Variants in TENM3 observed in about 807,000 individuals in gnomAD.
TENM3 encodes the protein teneurin-3.
TENM3 carries 63 observed loss-of-function variants against 255.1 expected under a neutral mutation model. That is an observed-to-expected ratio of 0.25 (90% CI 0.20 to 0.30). TENM3 has a LOEUF of 0.30. Ranked by LOEUF, TENM3 falls within the 10% of genes least tolerant of loss-of-function variation. The pLI is 1.00. For synonymous variants in TENM3, 1,306 were observed against 1,322.3 expected (o/e 0.99, Z 0.27); for missense variants, 2,929 against 3,461.1 (o/e 0.85, Z 3.86).
intron 1 of TENM3, among the ~76,000 whole-genome samples, chr4:182,310,662 G>A (rs1762387378): frequency 7.2e-6 from 1 of 138,126 alleles, no homozygotes; most frequent in Non-Finnish European, 1.6e-5. Flanking sequence ...CTCCATGTGG[G>A]GGAAGGGTGT....
At chr4:181,666,184 T>TAG in the TENM3 span, among the ~76,000 whole-genome samples, 1 of 152,196 alleles carries the variant, frequency 6.6e-6, no homozygotes, top group Non-Finnish European at 1.5e-5. Context: ...AGGAAAAGTC[T>TAG]GGCAGAGATT....
the TENM3 span, among the ~76,000 whole-genome samples, chr4:181,606,445 C>T: frequency 6.6e-6 from 1 of 152,140 alleles, no homozygotes; most frequent in Non-Finnish European, 1.5e-5. Context: ...CTTTAATCTA[C>T]TCTAGACAAT....
chr4:182,555,166 C>T (rs1384153653), intron 3 of TENM3, among the ~76,000 whole-genome samples: 2 of 152,114 alleles, frequency 1.3e-5, no homozygotes, highest in Admixed American at 6.5e-5. Context: ...TAGAATTAGT[C>T]TATGACTGAA....
intron 1 of TENM3, among the ~76,000 whole-genome samples, chr4:182,256,588 A>G (rs935998653): frequency 6.6e-6 from 1 of 152,186 alleles, no homozygotes; most frequent in Admixed American, 6.5e-5. Context: ...GAGTTTCAGG[A>G]GTTGGTCAAG....
At chr4:182,009,740 CT>C in the TENM3 span, among the ~76,000 whole-genome samples, 1 of 152,200 alleles carries the variant, frequency 6.6e-6, no homozygotes, top group African/African-American at 2.4e-5. Flanking sequence ...CTGGTTGCCC[CT>C]CCCCCTGGGA....
the TENM3 span, among the ~76,000 whole-genome samples, chr4:181,707,808 G>C: frequency 1.3e-5 from 2 of 152,054 alleles, no homozygotes; most frequent in Non-Finnish European, 2.9e-5. Context: ...GCTACGTTAA[G>C]TACAAACAGA....
At chr4:182,333,393 T>C (rs1234589521) in intron 2 of TENM3, among the ~76,000 whole-genome samples, 2 of 152,194 alleles carry the variant, frequency 1.3e-5, no homozygotes, top group Non-Finnish European at 2.9e-5. Context: ...AATAGCCAAG[T>C]GGTTACTAAT....
the TENM3 span, among the ~76,000 whole-genome samples, chr4:181,679,322 G>T: frequency 3.3e-5 from 5 of 152,146 alleles, no homozygotes; most frequent in African/African-American, 1.2e-4. Context: ...GATTCCGGGG[G>T]CTGCCCCATT....
chr4:182,062,116 G>A, the TENM3 span, among the ~76,000 whole-genome samples: 2 of 152,190 alleles, frequency 1.3e-5, no homozygotes, highest in Non-Finnish European at 2.9e-5. Context: ...AAGTTAGCCT[G>A]AGAGTCTAGC....
At chr4:181,812,454 T>C in the TENM3 span, among the ~76,000 whole-genome samples, 1 of 152,204 alleles carries the variant, frequency 6.6e-6, no homozygotes, top group African/African-American at 2.4e-5. Context: ...AAATTAGTTA[T>C]GCTGATTATT....
At chr4:181,506,329 C>G in the TENM3 span, among the ~76,000 whole-genome samples, 1 of 151,872 alleles carries the variant, frequency 6.6e-6, no homozygotes, top group East Asian at 2.0e-4. Context: ...AATATTTGGC[C>G]TTTTTACTCA....
At chr4:182,303,800 T>A (rs1225095047) in intron 1 of TENM3, among the ~76,000 whole-genome samples, 1 of 152,214 alleles carries the variant, frequency 6.6e-6, no homozygotes, top group Non-Finnish European at 1.5e-5. Flanking sequence ...ACATTAAACT[T>A]TTTAAACTCT....
chr4:182,009,164 G>T, the TENM3 span, among the ~76,000 whole-genome samples: 2 of 152,112 alleles, frequency 1.3e-5, no homozygotes, highest in African/African-American at 2.4e-5. Context: ...CAGTAGGATT[G>T]CTCCTGTATA....
At chr4:182,229,462 T>G (rs1756405942) in intron 1 of TENM3, among the ~76,000 whole-genome samples, 1 of 152,132 alleles carries the variant, frequency 6.6e-6, no homozygotes, top group African/African-American at 2.4e-5. Context: ...GTTTATGAAC[T>G]GATTTGCACA....
In TENM3 at chr4:182,252,906, G is replaced by A. The variant is rs113466383; in HGVS notation, c.-76+9430G>A. Among the ~76,000 whole-genome samples, 449 of 152,280 alleles carry A rather than the reference G, an allele frequency of 2.9e-3. 2 individuals carry two copies. The highest frequency in any genetic ancestry group is 0.014 in the South Asian group (66 of 4,820). On this transcript the variant is annotated intron_variant, in intron 1 of 27. Transcript: ENST00000511685. The stretch of plus-strand genomic sequence containing the variant: ...GACAAAGAAACCCAGCTTCATGTAG[G>A]TGAAGAATCGGCCCAAAGTCACAGA...
chr4:181,926,580 G>T, the TENM3 span, among the ~76,000 whole-genome samples: 2 of 152,016 alleles, frequency 1.3e-5, no homozygotes, highest in African/African-American at 4.8e-5. Context: ...TTTTGTTGTT[G>T]TTGTTGTTTT....
chr4:181,730,482 C>A, the TENM3 span, among the ~76,000 whole-genome samples: 1 of 152,156 alleles, frequency 6.6e-6, no homozygotes, highest in African/African-American at 2.4e-5. Context: ...TAACTTTGTT[C>A]CCGTAACTTT....
At chr4:182,261,708 G>A (rs562167033) in intron 1 of TENM3, among the ~76,000 whole-genome samples, 58 of 152,334 alleles carry the variant, frequency 3.8e-4, no homozygotes, top group African/African-American at 1.2e-3. Flanking sequence ...TCCCTACCAA[G>A]ACCACTTTGC....
chr4:182,467,859 G>A (rs1347065838), intron 3 of TENM3, among the ~76,000 whole-genome samples: 2 of 152,178 alleles, frequency 1.3e-5, no homozygotes, highest in African/African-American at 2.4e-5. Context: ...AGGGGAGCAG[G>A]ATAGAGGTGG....
Sources: gnomAD v4.1 joint callset for allele counts (sites outside exome capture counted in the v4.1 genomes callset) on GRCh38, gnomAD v4.1.1 for gene constraint, MANE v1.5 for transcripts, NCBI Gene and HGNC (gene_info 2026-07-23, HGNC 2026-07-21) for gene names.